The following LRRD1 variants were observed in gnomAD, a reference collection of about 807,000 sequenced individuals.
LRRD1 encodes the protein leucine-rich repeat and death domain-containing protein 1.
LRRD1 carries 49 observed loss-of-function variants against 69.5 expected under a neutral mutation model. That is an observed-to-expected ratio of 0.70 (90% CI 0.56 to 0.89). LRRD1 has a LOEUF of 0.89. Among genes scored for constraint, LRRD1 ranks in the 40% least tolerant of loss-of-function variants. The probability of loss-of-function intolerance (pLI) is 0.00; values close to 1 mark genes in which losing one functional copy is unlikely to be tolerated. For missense variants in LRRD1, 853 were observed against 956.0 expected (o/e 0.89, Z 1.42); for synonymous variants, 303 against 338.9 (o/e 0.89, Z 1.16).
intron 1 of LRRD1, among the ~76,000 whole-genome samples, chr7:92,170,468 G>A (rs914556121): frequency 6.6e-6 from 1 of 152,194 alleles, no homozygotes; most frequent in African/African-American, 2.4e-5. Context: ...AAGACAAAGA[G>A]AGGATTCTAA....
downstream of LRRD1, among the ~76,000 whole-genome samples, chr7:92,144,354 C>A (rs550471847): frequency 6.6e-6 from 1 of 152,150 alleles, no homozygotes; most frequent in Non-Finnish European, 1.5e-5. Flanking sequence ...TCAGGCTAGG[C>A]ATGGTGGCTC....
Position 92,144,906 on chromosome 7 carries a change from C to G in LRRD1, c.2565G>C (p.Thr855=). The G allele has an allele frequency of 6.7e-7, 1 of 1,492,640 alleles. No homozygotes were observed. Among genetic ancestry groups the G allele is most frequent in the Non-Finnish European group, 9.0e-7 (1 of 1,113,130 alleles). The allele number at this position is 1,492,640 out of a possible 1,614,324, so 92.5% of individuals were successfully genotyped here. A position where few individuals can be genotyped will look rare whatever the true frequency, so the allele number is the denominator to read the frequency against. ...CCACTGGTTAGAATTTAATTGCACGCGTAAAAAGATTTAAAGCTGTTATTT... is the reference window on the plus strand; with the variant it reads ...CCACTGGTTAGAATTTAATTGCACGGGTAAAAAGATTTAAAGCTGTTATTT... The part of the protein sequence containing the change: ...MDKITALNLF[T]RAIKF Residue 855 remains threonine, a synonymous_variant, in exon 6 of 6, where the codon ACG becomes ACC. Coordinates refer to ENST00000458448, the MANE Select transcript of LRRD1 (RefSeq NM_001161528.2).
chr7:92,151,949 C>CA lies in LRRD1; in HGVS notation c.2117-1255dup, dbSNP rs561382791. 8.1e-3 allele frequency among the ~76,000 whole-genome samples: 671 copies of CA among 82,830 alleles called. 6 individuals carry two copies. The highest frequency in any genetic ancestry group is 0.025 in the African/African-American group (568 of 23,156). 54.3% of individuals were successfully genotyped at this position (82,830 alleles called of 152,430 possible). On this transcript the variant is annotated intron_variant, in intron 3 of 5. Transcript: ENST00000458448. Reference sequence around the variant, plus strand: ...GGGAGACAAGAGCGGAACTCCATCTCAAAAAAAAAAAAAAAGAAGTAAAAC... The same window carrying CA: ...GGGAGACAAGAGCGGAACTCCATCTCAAAAAAAAAAAAAAAAGAAGTAAAAC...
downstream of LRRD1, chr7:92,142,915 C>A (rs145573622): frequency 1.3e-3 from 430 of 332,582 alleles, no homozygotes; most frequent in Non-Finnish European, 2.3e-3. Context: ...AGCGAAAGAA[C>A]AATGCTTCCG....
chr7:92,165,588 C>T (rs1487160279), intron 1 of LRRD1, among the ~76,000 whole-genome samples: 5 of 151,894 alleles, frequency 3.3e-5, no homozygotes, highest in African/African-American at 4.8e-5. Context: ...GGGCCGGGTG[C>T]GGTGGCTCAC....
chr7:92,154,946 T>C (rs1016340873), intron 3 of LRRD1, among the ~76,000 whole-genome samples: 1 of 152,208 alleles, frequency 6.6e-6, no homozygotes, highest in African/African-American at 2.4e-5. Context: ...CTTTTCCTTC[T>C]TAACTGAGCA....
At chr7:92,142,210 G>A (rs910584003), downstream of LRRD1, 1 of 283,892 alleles carries the variant, frequency 3.5e-6, no homozygotes, top group African/African-American at 2.2e-5. Context: ...CCAAAGTGCT[G>A]GGATTACAGG....
chr7:92,167,893 A>AAT (rs1563193967), intron 1 of LRRD1, among the ~76,000 whole-genome samples: 1 of 149,156 alleles, frequency 6.7e-6, no homozygotes, highest in Non-Finnish European at 1.5e-5. Context: ...AAAAAAAAAA[A>AAT]AAAAAAAAAA....
chr7:92,155,699 C>T (rs1256940501), intron 3 of LRRD1, among the ~76,000 whole-genome samples: 5 of 152,176 alleles, frequency 3.3e-5, no homozygotes, highest in Non-Finnish European at 7.3e-5. Context: ...CAAGCTGAGG[C>T]ACAAGGAAGC....
In LRRD1 at chr7:92,153,705, G is replaced by A. The variant is rs575187475; in HGVS notation, c.2117-3010C>T. ...AAATTAGCTGGGCATGGTGGCAGGC[G>A]CCTGTAATCCCAGCTACTCAGGAGG... On this transcript the variant is annotated intron_variant, in intron 3 of 5. Transcript: ENST00000458448. 9.3e-5 allele frequency among the ~76,000 whole-genome samples: 14 copies of A among 150,912 alleles called. No individual in the cohort carries two copies. In the South Asian group the frequency reaches 1.3e-3, roughly 13 times the overall value.
At chr7:92,144,509 C>G (rs1820262954), downstream of LRRD1, among the ~76,000 whole-genome samples, 2 of 151,678 alleles carry the variant, frequency 1.3e-5, no homozygotes, top group Admixed American at 1.3e-4. Flanking sequence ...CGCCTGTAGT[C>G]CCAGCTACTC....
intron 1 of LRRD1, among the ~76,000 whole-genome samples, chr7:92,173,059 A>T (rs1789091319): frequency 6.6e-6 from 1 of 152,204 alleles, no homozygotes; most frequent in African/African-American, 2.4e-5. Flanking sequence ...CAGCCATCTC[A>T]TTTTTGACAA....
chr7:92,148,950 T>A (rs1820399237), intron 4 of LRRD1, among the ~76,000 whole-genome samples: 2 of 152,274 alleles, frequency 1.3e-5, no homozygotes, highest in Middle Eastern at 6.8e-3. Context: ...GGTTTCACCA[T>A]GTTGGCCAGG....
rs1325411226 is a variant in LRRD1, at chr7:92,164,730, T to C, written c.473A>G (p.Lys158Arg). Reference sequence around the variant, plus strand: ...TACATATTTGATTTTTAAAATGTCCTTAGGAAATTCCTGTAAACCCTTGGC... The same window carrying C: ...TACATATTTGATTTTTAAAATGTCCCTAGGAAATTCCTGTAAACCCTTGGC... ...LEAKGLQEFP[K>R]DILKIKYVKY... Residue 158 changes from lysine (K) to arginine (R), a missense_variant, in exon 2 of 6, where the codon AAG becomes AGG. By Grantham distance (26) the Lys-to-Arg change is conservative. Coordinates refer to ENST00000458448, the MANE Select transcript of LRRD1 (RefSeq NM_001161528.2). 4 of 1,550,834 alleles carry C rather than the reference T, an allele frequency of 2.6e-6. No homozygotes were observed. The highest frequency in any genetic ancestry group is 2.0e-5 in the Admixed American group (1 of 50,890).
At chr7:92,147,855 G>A (rs550320692) in intron 4 of LRRD1, among the ~76,000 whole-genome samples, 1 of 151,938 alleles carries the variant, frequency 6.6e-6, no homozygotes, top group Non-Finnish European at 1.5e-5. Flanking sequence ...CTTCACCCCC[G>A]CAAGTAGCTG....
chr7:92,153,618 T>G (rs1788574972), intron 3 of LRRD1, among the ~76,000 whole-genome samples: 1 of 151,108 alleles, frequency 6.6e-6, no homozygotes, highest in African/African-American at 2.4e-5. Context: ...TAACTTGAGG[T>G]CAGGAATTTG....
downstream of LRRD1, chr7:92,144,785 G>T (rs1820274544): frequency 1.7e-6 from 1 of 604,698 alleles, no homozygotes; most frequent in Non-Finnish European, 2.6e-6. Context: ...AAAGAAAAAA[G>T]ATGCAATTCT....
chr7:92,146,296 T>C lies in LRRD1; in HGVS notation c.2279-96A>G, dbSNP rs1820321743. 4.7e-6 allele frequency: 3 copies of C among 643,204 alleles called. No individual in the cohort carries two copies. The East Asian group carries it at 8.8e-5, about 19-fold the overall frequency. The allele number at this position is 643,204 out of a possible 1,614,324, so 39.8% of individuals were successfully genotyped here. On this transcript the variant is annotated intron_variant, in intron 4 of 5. Transcript: ENST00000458448. ...TAGTTTTCTTATTTCTGTGCTTCTA[T>C]GAAATATATATGTTAAGTAAAACTG...
At chr7:92,162,419 A>G (rs1388021369) in intron 2 of LRRD1, among the ~76,000 whole-genome samples, 1 of 152,126 alleles carries the variant, frequency 6.6e-6, no homozygotes, top group African/African-American at 2.4e-5. Context: ...TTAGGAGTAG[A>G]CTTTGGGAAG....
Sources: allele counts gnomAD v4.1 joint callset (sites outside exome capture counted in the v4.1 genomes callset), GRCh38; gene constraint gnomAD v4.1.1; transcripts MANE v1.5; gene names NCBI Gene and HGNC (gene_info 2026-07-23, HGNC 2026-07-21).